SGPP2: variants seen among roughly 807,000 people sequenced by gnomAD.
SGPP2 encodes the protein sphingosine-1-phosphate phosphatase 2.
In SGPP2, 30 loss-of-function variants were observed where a neutral mutation model predicts 33.9. The observed-to-expected ratio is 0.89, with a 90% CI of 0.66 to 1.20. The LOEUF is 1.20. Ranked by LOEUF, SGPP2 falls within the 50% of genes most tolerant of loss-of-function variation. The pLI is 0.00. For missense variants in SGPP2, 458 were observed against 532.1 expected, an observed-to-expected ratio of 0.86 and a Z score of 1.37; for synonymous variants, 233 against 225.0, an observed-to-expected ratio of 1.04 and a Z score of -0.32.
intron 2 of SGPP2, among the ~76,000 whole-genome samples, chr2:222,508,428 G>C (rs117755489): frequency 6.6e-6 from 1 of 152,262 alleles, no homozygotes; most frequent in East Asian, 1.9e-4. Flanking sequence ...CCTTGTCTAT[G>C]CATCAATTTC....
intron 1 of SGPP2, among the ~76,000 whole-genome samples, chr2:222,462,138 G>T (rs766889253): frequency 6.6e-6 from 1 of 152,056 alleles, no homozygotes; most frequent in Non-Finnish European, 1.5e-5. Context: ...AGAGATCTTG[G>T]GTCCTCAGGA....
chr2:222,468,568 C>T (rs565225648), intron 1 of SGPP2, among the ~76,000 whole-genome samples: 4 of 152,242 alleles, frequency 2.6e-5, no homozygotes, highest in African/African-American at 4.8e-5. Context: ...CTGGGCTGGC[C>T]GCCAAGTCTG....
intron 2 of SGPP2, among the ~76,000 whole-genome samples, chr2:222,503,368 T>C (rs1698395715): frequency 2.0e-5 from 3 of 151,938 alleles, no homozygotes; most frequent in Admixed American, 6.5e-5. Flanking sequence ...GAAGAGAGCA[T>C]GGTGAATTCT....
At chr2:222,555,158 G>T (rs1319269046) in intron 4 of SGPP2, among the ~76,000 whole-genome samples, 1 of 152,138 alleles carries the variant, frequency 6.6e-6, no homozygotes, top group Non-Finnish European at 1.5e-5. Context: ...TTTCCTGGAG[G>T]TTTCATCCAA....
In SGPP2 at chr2:222,517,073, TC is replaced by T. The variant is rs941267249; in HGVS notation, c.379-4693del. On this transcript the variant is annotated intron_variant, in intron 2 of 4. Transcript: ENST00000321276. ...CAGCATCACTTCCCCAAGCCTTTCC[TC>T]TGGCTGTTCTTGCAACCTGGATGCT... Among the ~76,000 whole-genome samples the T allele has an allele frequency of 1.4e-4, 22 of 152,306 alleles. 1 individual carries two copies. The highest frequency in any genetic ancestry group is 5.1e-4 in the African/African-American group (21 of 41,570).
At chr2:222,532,354 T>C (rs1183326149) in intron 4 of SGPP2, among the ~76,000 whole-genome samples, 1 of 151,978 alleles carries the variant, frequency 6.6e-6, no homozygotes, top group African/African-American at 2.4e-5. Flanking sequence ...AGGAGAGCAA[T>C]TCAAGGAGAG....
At chr2:222,513,691 G>A (rs906827791) in intron 2 of SGPP2, among the ~76,000 whole-genome samples, 1 of 152,184 alleles carries the variant, frequency 6.6e-6, no homozygotes, top group African/African-American at 2.4e-5. Context: ...AGGGAGAGAT[G>A]AGACAGGCAG....
chr2:222,446,554 C>T (rs1463401324), intron 1 of SGPP2, among the ~76,000 whole-genome samples: 1 of 152,128 alleles, frequency 6.6e-6, no homozygotes. Flanking sequence ...GCTTAATTTT[C>T]TAATGTATAA....
At chr2:222,446,538 T>C (rs1697402468) in intron 1 of SGPP2, among the ~76,000 whole-genome samples, 2 of 152,196 alleles carry the variant, frequency 1.3e-5, no homozygotes, top group South Asian at 4.1e-4. Context: ...AAAGTATGGT[T>C]TTCCAGCTTA....
At chr2:222,525,111 A>G (rs1049860210) in intron 4 of SGPP2, 78 bp downstream of exon 4, 2 of 965,270 alleles carry the variant, frequency 2.1e-6, no homozygotes, top group Non-Finnish European at 3.1e-6. Flanking sequence ...TTCTCATACT[A>G]CTTATTTATA....
At chr2:222,438,276 G>A (rs757968183) in intron 1 of SGPP2, among the ~76,000 whole-genome samples, 5 of 152,142 alleles carry the variant, frequency 3.3e-5, no homozygotes, top group Non-Finnish European at 7.3e-5. Flanking sequence ...AGTTTTAGTC[G>A]GGCTTATTTC....
At chr2:222,433,297 T>C (rs1303930742) in intron 1 of SGPP2, among the ~76,000 whole-genome samples, 2 of 152,116 alleles carry the variant, frequency 1.3e-5, no homozygotes, top group African/African-American at 4.8e-5. Context: ...TTCTTAGTTC[T>C]TGAGGAATTA....
rs2106098395 is a variant in SGPP2 at position 222,476,973 on chromosome 2, T to C, written c.378+2247T>C. ...TATGTATGTATAGTGTGTATATGTGTATATATAGGTGTGTGTATATTTTGT... is the reference window on the plus strand; with the variant it reads ...TATGTATGTATAGTGTGTATATGTGCATATATAGGTGTGTGTATATTTTGT... On this transcript the variant is annotated intron_variant, in intron 2 of 4. Coordinates refer to ENST00000321276, the MANE Select transcript of SGPP2 (RefSeq NM_152386.4). This position sits in a 1 kb window ranked among gnomAD's most constrained non-coding sequence, Gnocchi z 4.3. Among the ~76,000 whole-genome samples the C allele has an allele frequency of 6.6e-6, 1 of 151,972 alleles. No homozygotes were observed. The highest frequency in any genetic ancestry group is 1.9e-4 in the East Asian group (1 of 5,190).
intron 1 of SGPP2, among the ~76,000 whole-genome samples, chr2:222,449,039 T>C (rs1308941288): frequency 6.6e-6 from 1 of 152,196 alleles, no homozygotes; most frequent in Non-Finnish European, 1.5e-5. Flanking sequence ...TGCTCAACAT[T>C]AGGACTGGAT....
chr2:222,455,512 A>G (rs538687991), intron 1 of SGPP2, among the ~76,000 whole-genome samples: 11 of 152,320 alleles, frequency 7.2e-5, no homozygotes, highest in Admixed American at 2.0e-4. Context: ...AGAGAGGAGC[A>G]GAGGTCAGAT....
At chr2:222,445,781 G>A (rs1330541529) in intron 1 of SGPP2, among the ~76,000 whole-genome samples, 2 of 152,184 alleles carry the variant, frequency 1.3e-5, no homozygotes, top group African/African-American at 2.4e-5. Context: ...AGGCTTAGAT[G>A]TCCTCTCCTC....
chr2:222,533,865 C>T (rs80121517), intron 4 of SGPP2, among the ~76,000 whole-genome samples: 5,138 of 151,930 alleles, frequency 0.034, 310 homozygotes, highest in African/African-American at 0.12. Flanking sequence ...ACATTGGCTG[C>T]ACCTGGATAA....
At chr2:222,539,539 A>G (rs1698961891) in intron 4 of SGPP2, among the ~76,000 whole-genome samples, 1 of 152,152 alleles carries the variant, frequency 6.6e-6, no homozygotes, top group African/African-American at 2.4e-5. Flanking sequence ...GTGCTCACCA[A>G]TCAGATGGCC....
chr2:222,507,738 G>C (rs1318836134), intron 2 of SGPP2, among the ~76,000 whole-genome samples: 1 of 152,128 alleles, frequency 6.6e-6, no homozygotes, highest in Non-Finnish European at 1.5e-5. Flanking sequence ...CTACCATGCA[G>C]TTTCCCATGT....
Sources: allele counts gnomAD v4.1 joint callset (sites outside exome capture counted in the v4.1 genomes callset), GRCh38; gene constraint gnomAD v4.1.1; non-coding constraint Gnocchi (gnomAD v3.1); transcripts MANE v1.5; gene names NCBI Gene and HGNC (gene_info 2026-07-23, HGNC 2026-07-21).